FOXN3: variants seen among roughly 807,000 people sequenced by gnomAD.
FOXN3 encodes forkhead box N3.
In FOXN3, 7 loss-of-function variants were observed where a neutral mutation model predicts 38.4. The ratio of observed to expected loss-of-function variants is 0.18; its 90% confidence interval spans 0.10 to 0.34. The LOEUF (loss-of-function observed/expected upper bound fraction) is 0.34. FOXN3 is among the 10% of genes least tolerant of loss of function. The probability of loss-of-function intolerance (pLI) is 1.00; values close to 1 mark genes in which losing one functional copy is unlikely to be tolerated. For missense variants in FOXN3, 456 were observed against 613.4 expected (o/e 0.74, Z 2.71); for synonymous variants, 230 against 242.2 (o/e 0.95, Z 0.47).
At chr14:89,340,225 G>A (rs1269896831) in intron 3 of FOXN3, among the ~76,000 whole-genome samples, 6 of 152,118 alleles carry the variant, frequency 3.9e-5, no homozygotes, top group African/African-American at 1.4e-4. Context: ...GTGTTCTGAG[G>A]GAAGGGGGAA....
At chr14:89,549,093 T>C (rs1388532356) in intron 1 of FOXN3, among the ~76,000 whole-genome samples, 1 of 151,646 alleles carries the variant, frequency 6.6e-6, no homozygotes, top group African/African-American at 2.4e-5. Context: ...CACTCCAGCC[T>C]TGGCGACAGA....
chr14:89,216,381 G>C (rs1225075201), intron 4 of FOXN3, among the ~76,000 whole-genome samples: 2 of 152,132 alleles, frequency 1.3e-5, no homozygotes, highest in African/African-American at 4.8e-5. Flanking sequence ...GTCTCGGCAG[G>C]TAAGGAGTTT....
rs1887076714 is a variant in FOXN3, at chr14:89,160,690, C to T, written c.*1724G>A. ...TGTACAGACAGAGAGAAAGGACACA[C>T]TTTTCAACAGAGAATCAGAGGGGGT... On this transcript the variant is annotated 3_prime_UTR_variant, in exon 6 of 6. Coordinates refer to ENST00000557258, the MANE Select transcript of FOXN3 (RefSeq NM_005197.4). The T allele has an allele frequency of 6.6e-6, 1 of 152,592 alleles. No individual in the cohort carries two copies. 9.5% of individuals were successfully genotyped at this position (152,592 alleles called of 1,614,324 possible).
chr14:89,432,129 G>A (rs1031404168), intron 1 of FOXN3, among the ~76,000 whole-genome samples: 1 of 152,140 alleles, frequency 6.6e-6, no homozygotes, highest in Non-Finnish European at 1.5e-5. Flanking sequence ...TCCACAACTC[G>A]CCACTAACTG....
chr14:89,597,807 T>C (rs1477174538), intron 1 of FOXN3, among the ~76,000 whole-genome samples: 2 of 152,212 alleles, frequency 1.3e-5, no homozygotes, highest in Admixed American at 6.5e-5. Flanking sequence ...CGGGCCCTTC[T>C]GTACGTTTAT....
chr14:89,311,471 C>CAA (rs34367113), intron 3 of FOXN3, among the ~76,000 whole-genome samples: 75 of 66,010 alleles, frequency 1.1e-3, no homozygotes, highest in Non-Finnish European at 1.2e-3. Flanking sequence ...GACTCGGCCT[C>CAA]AAAAAAAAAA....
At chr14:89,390,059 AAATAAT>A (rs199685237) in intron 2 of FOXN3, among the ~76,000 whole-genome samples, 1 of 151,602 alleles carries the variant, frequency 6.6e-6, no homozygotes, top group African/African-American at 2.4e-5. Context: ...ATCTTTACAA[AAATAAT>A]AATAATAATA....
chr14:89,352,682 C>G (rs1455905501), intron 2 of FOXN3, among the ~76,000 whole-genome samples: 1 of 152,164 alleles, frequency 6.6e-6, no homozygotes, highest in African/African-American at 2.4e-5. Flanking sequence ...ATTCTGGAAA[C>G]CCAATGGCTT....
At position 89,412,685 on chromosome 14, in the gene FOXN3, A is replaced by G. The variant is rs1268472598; in HGVS notation, c.-14-195T>C. Among the ~76,000 whole-genome samples the G allele has an allele frequency of 6.6e-6, 1 of 152,108 alleles. No individual in the cohort carries two copies. Among genetic ancestry groups the G allele is most frequent in the Non-Finnish European group, 1.5e-5 (1 of 68,032 alleles). Reference sequence around the variant, plus strand: ...CACAGAGAGATAGGCTGATGAGAAAAATCAGCCCGCCATTCATATAGCAAG... The same window carrying G: ...CACAGAGAGATAGGCTGATGAGAAAGATCAGCCCGCCATTCATATAGCAAG... On this transcript the variant is annotated intron_variant, in intron 1 of 5. Transcript: ENST00000557258. The surrounding 1 kb of genome is among the most constrained non-coding windows in gnomAD (Gnocchi z 4.7).
At chr14:89,233,646 T>C (rs1265407464) in intron 4 of FOXN3, among the ~76,000 whole-genome samples, 1 of 152,242 alleles carries the variant, frequency 6.6e-6, no homozygotes, top group East Asian at 1.9e-4. Flanking sequence ...TAACTTAAAA[T>C]TCTGTGCCCA....
rs1566947460 is a variant in FOXN3 at position 89,288,654 on chromosome 14, GTAATAGGCACTCTCTTTCTCTCTCT to G, written c.681-7665_681-7641del. On this transcript the variant is annotated intron_variant, in intron 3 of 5. Coordinates refer to ENST00000557258, the MANE Select transcript of FOXN3 (RefSeq NM_005197.4). ...ATGGAAACGACATACTCCAAAGGCT[GTAATAGGCACTCTCTTTCTCTCTCT>G]CTCTCTCTCTCTCTCTCTCTCTCTC... 2.1e-3 allele frequency among the ~76,000 whole-genome samples: 145 copies of G among 68,186 alleles called. 11 individuals are homozygous for G. Among genetic ancestry groups the G allele is most frequent in the Middle Eastern group, 0.014 (1 of 74 alleles). The allele number at this position is 68,186 out of a possible 152,430, so 44.7% of individuals were successfully genotyped here. A position where few individuals can be genotyped will look rare whatever the true frequency, so the allele number is the denominator to read the frequency against.
intron 3 of FOXN3, among the ~76,000 whole-genome samples, chr14:89,302,831 C>T (rs964828200): frequency 2.0e-5 from 3 of 152,200 alleles, no homozygotes; most frequent in Admixed American, 2.0e-4. Context: ...CACCTCCGCC[C>T]TCTTCAAAGG....
At chr14:89,332,888 C>T (rs75066531) in intron 3 of FOXN3, among the ~76,000 whole-genome samples, 2,149 of 152,182 alleles carry the variant, frequency 0.014, 20 homozygotes, top group Non-Finnish European at 0.021. Context: ...TAAACAAATC[C>T]CACAAATAAC....
At chr14:89,475,973 G>C (rs1893201153) in intron 1 of FOXN3, among the ~76,000 whole-genome samples, 1 of 152,130 alleles carries the variant, frequency 6.6e-6, no homozygotes, top group Non-Finnish European at 1.5e-5. Context: ...GCTATTTCCT[G>C]CCCCTTGTTC....
At chr14:89,463,265 C>T (rs1056323039) in intron 1 of FOXN3, among the ~76,000 whole-genome samples, 19 of 135,966 alleles carry the variant, frequency 1.4e-4, no homozygotes, top group Admixed American at 1.0e-3. Context: ...CAGAGCAAGG[C>T]TCTGTCTCAA....
At position 89,594,985 on chromosome 14, in the gene FOXN3, C is replaced by G. The variant is rs891424771; in HGVS notation, c.-15+24043G>C. 7.9e-5 allele frequency among the ~76,000 whole-genome samples: 12 copies of G among 152,136 alleles called. 1 individual carries two copies. The highest frequency in any genetic ancestry group is 1.5e-4 in the Non-Finnish European group (10 of 68,024). ...GATTCTGATTGGGATTACACTGACT[C>G]TATACATCACTTTGAGATGAACTGA... is the stretch of plus-strand genomic sequence containing the variant. On this transcript the variant is annotated intron_variant, in intron 1 of 6. Transcript: ENST00000345097.
intron 1 of FOXN3, among the ~76,000 whole-genome samples, chr14:89,504,215 C>T (rs1448526300): frequency 6.6e-6 from 1 of 152,204 alleles, no homozygotes; most frequent in South Asian, 2.1e-4. Context: ...ATTCAGGGGA[C>T]ACCAACCCCC....
At chr14:89,466,635 T>C (rs540963113) in intron 1 of FOXN3, among the ~76,000 whole-genome samples, 1 of 152,232 alleles carries the variant, frequency 6.6e-6, no homozygotes, top group South Asian at 2.1e-4. Context: ...ACACAGGAAG[T>C]GCTGCAAGGG....
intron 1 of FOXN3, among the ~76,000 whole-genome samples, chr14:89,487,071 A>G (rs1298894273): frequency 6.6e-6 from 1 of 152,208 alleles, no homozygotes; most frequent in Non-Finnish European, 1.5e-5. Flanking sequence ...CCCACGGACC[A>G]GCCTTGATCC....
Sources: allele counts gnomAD v4.1 joint callset (sites outside exome capture counted in the v4.1 genomes callset), GRCh38; gene constraint gnomAD v4.1.1; non-coding constraint Gnocchi (gnomAD v3.1); transcripts MANE v1.5; gene names NCBI Gene and HGNC (gene_info 2026-07-23, HGNC 2026-07-21).